The following APP variants were observed in gnomAD, a reference collection of about 807,000 sequenced individuals.
APP encodes amyloid beta precursor protein.
A neutral mutation model predicts 101.4 loss-of-function variants in APP; 31 were observed. The ratio of observed to expected loss-of-function variants is 0.31; its 90% CI spans 0.23 to 0.41. The LOEUF (loss-of-function observed/expected upper bound fraction) is 0.41, where lower values mean the gene tolerates loss of function less well. APP is among the 10% of genes least tolerant of loss of function. The pLI is 1.00. For missense variants in APP, 839 were observed against 1,003.7 expected (o/e 0.84, Z 2.22); for synonymous variants, 366 against 364.4 (o/e 1.00, Z -0.05).
chr21:25,962,819 G>A (rs976645168), intron 11 of APP, among the ~76,000 whole-genome samples: 2 of 152,022 alleles, frequency 1.3e-5, no homozygotes, highest in South Asian at 2.1e-4. Context: ...AAGCTAACAC[G>A]GTTTTGGAGA....
At chr21:25,954,483 C>G in intron 13 of APP, 107 bp downstream of exon 13, 1 of 992,640 alleles carries the variant, frequency 1.0e-6, no homozygotes, top group Non-Finnish European at 1.6e-6. Context: ...AAAAGGCAAG[C>G]TGTTCTATTA....
At chr21:26,038,823 A>G (rs905542095) in intron 5 of APP, among the ~76,000 whole-genome samples, 2 of 152,124 alleles carry the variant, frequency 1.3e-5, no homozygotes, top group African/African-American at 4.8e-5. Flanking sequence ...CAATCTACGC[A>G]TTTTAAACAA....
chr21:25,945,590 C>A, intron 13 of APP: 1 of 220,748 alleles, frequency 4.5e-6, no homozygotes, highest in African/African-American at 2.4e-5. Context: ...TAAGCACAGG[C>A]ACACAGATCA....
At chr21:26,141,647 G>C (rs1461935909) in intron 1 of APP, among the ~76,000 whole-genome samples, 2 of 152,120 alleles carry the variant, frequency 1.3e-5, no homozygotes, top group South Asian at 4.1e-4. Flanking sequence ...ACCAATGCTG[G>C]CTTAGTAGTC....
chr21:25,930,460 G>A (rs1220828682), intron 13 of APP, among the ~76,000 whole-genome samples: 2 of 152,204 alleles, frequency 1.3e-5, no homozygotes, highest in African/African-American at 2.4e-5. Context: ...TGGTTAGCAA[G>A]TCTGATGAGC....
At chr21:26,061,685 G>A (rs573220828) in intron 3 of APP, among the ~76,000 whole-genome samples, 16 of 152,286 alleles carry the variant, frequency 1.1e-4, no homozygotes, top group African/African-American at 2.6e-4. Context: ...GGCTGTTGCC[G>A]TCACCAGCAT....
At chr21:26,056,003 C>T (rs1316134142) in intron 3 of APP, among the ~76,000 whole-genome samples, 3 of 152,178 alleles carry the variant, frequency 2.0e-5, no homozygotes, top group African/African-American at 7.2e-5. Flanking sequence ...AACATATTTA[C>T]TTATTCACCA....
intron 3 of APP, among the ~76,000 whole-genome samples, chr21:26,086,438 A>C (rs2061704911): frequency 6.6e-6 from 1 of 152,172 alleles, no homozygotes; most frequent in South Asian, 2.1e-4. Context: ...TGGATCCTTC[A>C]TCTGATAAAG....
At chr21:25,936,357 C>A (rs182554797) in intron 13 of APP, among the ~76,000 whole-genome samples, 53 of 152,288 alleles carry the variant, frequency 3.5e-4, no homozygotes, top group Non-Finnish European at 6.9e-4. Context: ...AGTTCGAGAC[C>A]AGCCTGACCA....
chr21:26,101,067 C>G (rs1601460890), intron 2 of APP, among the ~76,000 whole-genome samples: 1 of 150,426 alleles, frequency 6.6e-6, no homozygotes, highest in Non-Finnish European at 1.5e-5. Context: ...GCTGGAAGAG[C>G]CTGTTTCAAG....
Position 26,021,995 on chromosome 21 carries a change from A to G in APP, c.710T>C (p.Val237Ala). Residue 237 changes from valine (V) to alanine (A), a missense_variant, in exon 6 of 18, where the codon GTG becomes GCG. Transcript: ENST00000346798. ...GTCATCATCGGCTTCTTCTTCTTCC[A>G]CCTCAGCCACTTCTTCCTCCTCTGC... is the stretch of plus-strand genomic sequence containing the variant. ...EVAEEEEVAE[V>A]EEEEADDDED... 3.1e-6 allele frequency: 5 copies of G among 1,613,666 alleles called. No individual in the cohort carries two copies. Among genetic ancestry groups the G allele is most frequent in the Non-Finnish European group, 4.2e-6 (5 of 1,179,886 alleles).
intron 13 of APP, chr21:25,934,012 T>C (rs560677664): frequency 1.3e-5 from 2 of 152,286 alleles, no homozygotes; most frequent in East Asian, 1.9e-4. Flanking sequence ...ACAGGGTCTT[T>C]GCAGATATAA....
intron 2 of APP, among the ~76,000 whole-genome samples, chr21:26,098,645 G>A (rs1213284774): frequency 1.3e-5 from 2 of 152,156 alleles, no homozygotes; most frequent in Non-Finnish European, 2.9e-5. Context: ...GCTAACAAAA[G>A]GCTGAAAACA....
At chr21:26,139,971 G>A (rs772116163) in intron 1 of APP, among the ~76,000 whole-genome samples, 2 of 152,224 alleles carry the variant, frequency 1.3e-5, no homozygotes, top group Non-Finnish European at 1.5e-5. Context: ...CACACTGGTA[G>A]AGAACTGCAC....
At chr21:26,150,038 A>C (rs1222780102) in intron 1 of APP, among the ~76,000 whole-genome samples, 4 of 152,206 alleles carry the variant, frequency 2.6e-5, no homozygotes, top group Non-Finnish European at 5.9e-5. Context: ...AACTGACGAG[A>C]CAGATTCGCA....
chr21:26,136,169 A>AAAGAAAGAAAGAAAG (rs1555882167), intron 1 of APP, among the ~76,000 whole-genome samples: 1 of 92,012 alleles, frequency 1.1e-5, no homozygotes. Flanking sequence ...GAAAAGAAAG[A>AAAGAAAGAAAGAAAG]AAAGAAAGAA....
chr21:25,983,299 T>G (rs2042510735), intron 8 of APP, among the ~76,000 whole-genome samples: 1 of 152,136 alleles, frequency 6.6e-6, no homozygotes, highest in South Asian at 2.1e-4. Context: ...AAAAAAGAAT[T>G]TTGACTTAAG....
intron 15 of APP, among the ~76,000 whole-genome samples, chr21:25,900,034 T>G (rs564704293): frequency 2.6e-4 from 39 of 152,266 alleles, no homozygotes; most frequent in African/African-American, 8.9e-4. Context: ...TTTTCTTACT[T>G]TAATATTGTT....
chr21:25,999,659 C>T (rs1016215386), intron 7 of APP, among the ~76,000 whole-genome samples: 5 of 152,194 alleles, frequency 3.3e-5, no homozygotes, highest in African/African-American at 9.6e-5. Context: ...CATATGTACA[C>T]GGACAAACAC....
Sources: allele counts gnomAD v4.1 joint callset (sites outside exome capture counted in the v4.1 genomes callset), GRCh38; gene constraint gnomAD v4.1.1; transcripts MANE v1.5; gene names NCBI Gene and HGNC (gene_info 2026-07-23, HGNC 2026-07-21).